ENSA: variants seen among roughly 807,000 people sequenced by gnomAD.
ENSA encodes the protein endosulfine alpha.
A neutral mutation model predicts 16.8 loss-of-function variants in ENSA; 7 were observed. That is an observed-to-expected ratio of 0.42 (90% CI 0.24 to 0.78). The LOEUF (loss-of-function observed/expected upper bound fraction) is 0.78, where lower values mean the gene tolerates loss of function less well. Among genes scored for constraint, ENSA ranks in the 30% least tolerant of loss-of-function variants. ENSA has a pLI of 0.29. For missense variants in ENSA, 87 were observed against 142.3 expected (o/e 0.61, Z 1.98); for synonymous variants, 58 against 53.4 (o/e 1.09, Z -0.37).
Position 150,629,547 on chromosome 1 carries a change from A to G in ENSA, c.-77T>C. 1 of 1,549,448 alleles carries G rather than the reference A, an allele frequency of 6.5e-7. No homozygotes were observed. The highest frequency in any genetic ancestry group is 8.8e-7 in the Non-Finnish European group (1 of 1,140,614). On this transcript the variant is annotated 5_prime_UTR_variant, in exon 1 of 4. Transcript: ENST00000369014. ...GGGAAGGGGGAGGGGAAACGGGGAC[A>G]ACCTGCGCTGCTGCTTCGGCTCCTG...
chr1:150,627,263 T>C (rs1649398049), intron 2 of ENSA: 1 of 1,533,868 alleles, frequency 6.5e-7, no homozygotes, highest in Non-Finnish European at 8.7e-7. Context: ...AGGCCTTAAT[T>C]TCCTACATGG....
intron 3 of ENSA, 31 bp from the exon 4 acceptor site, chr1:150,622,890 A>C (rs777786038): frequency 1.4e-4 from 214 of 1,546,520 alleles, no homozygotes; most frequent in Non-Finnish European, 1.8e-4. Context: ...AAAAAAAAAA[A>C]AACAACACTG....
intron 1 of ENSA, chr1:150,629,176 C>T: frequency 6.2e-7 from 1 of 1,613,132 alleles, no homozygotes; most frequent in South Asian, 1.1e-5. Flanking sequence ...GCACAGCGTC[C>T]AAGGTTTGAG....
intron 3 of ENSA, chr1:150,624,239 G>A (rs2101737205): frequency 6.1e-6 from 6 of 983,032 alleles, no homozygotes; most frequent in Non-Finnish European, 6.0e-6. Context: ...GAGTTCTGGG[G>A]ATGCAGAGAT....
At chr1:150,627,356 T>C (rs754829427) in intron 2 of ENSA, 111 bp downstream of exon 2, 4 of 1,610,734 alleles carry the variant, frequency 2.5e-6, no homozygotes, top group Non-Finnish European at 3.4e-6. Context: ...CGCCTCTACT[T>C]CTGTTCAACA....
At chr1:150,623,263 A>G in intron 3 of ENSA, 1 of 1,017,324 alleles carries the variant, frequency 9.8e-7, no homozygotes, top group African/African-American at 1.7e-5. Flanking sequence ...GGAGGCCAGA[A>G]CCAGACCACA....
chr1:150,622,804 A>AG lies in ENSA; in HGVS notation c.*39dup, dbSNP rs1478994577. 2 of 1,443,540 alleles carry AG rather than the reference A, an allele frequency of 1.4e-6. No individual in the cohort carries two copies. Among genetic ancestry groups the AG allele is most frequent in the South Asian group, 1.2e-5 (1 of 83,144 alleles). 89.4% of individuals were successfully genotyped at this position (1,443,540 alleles called of 1,614,324 possible). On this transcript the variant is annotated 3_prime_UTR_variant, in exon 4 of 4. Coordinates refer to ENST00000369014, the MANE Select transcript of ENSA (RefSeq NM_004436.4). The stretch of plus-strand genomic sequence containing the variant: ...AGCACAGGACCCGGGTGGGGCAGGG[A>AG]GGGGAAGCGTCTCAGGATCTGGCAG...
chr1:150,624,779 C>T, intron 3 of ENSA: 1 of 985,442 alleles, frequency 1.0e-6, no homozygotes, highest in Non-Finnish European at 1.2e-6. Context: ...TGGAGTTTTT[C>T]TGCTGGCAGT....
rs757658447 is a variant in ENSA, at chr1:150,622,811, G to A, written c.*33C>T. The A allele has an allele frequency of 8.1e-5, 126 of 1,561,498 alleles. No individual in the cohort carries two copies. The highest frequency in any genetic ancestry group is 1.0e-4 in the Non-Finnish European group (116 of 1,153,096). ...GACCCGGGTGGGGCAGGGAGGGGAA[G>A]CGTCTCAGGATCTGGCAGAGCCCCG... On this transcript the variant is annotated 3_prime_UTR_variant, in exon 4 of 4. Transcript: ENST00000369014.
chr1:150,628,482 C>T (rs1359339898), intron 1 of ENSA, among the ~76,000 whole-genome samples: 1 of 151,894 alleles, frequency 6.6e-6, no homozygotes, highest in Non-Finnish European at 1.5e-5. Flanking sequence ...GGGACTCTCA[C>T]TACTGTAGTC....
intron 3 of ENSA, chr1:150,623,605 G>A (rs1649103528): frequency 1.1e-5 from 11 of 984,382 alleles, no homozygotes; most frequent in Non-Finnish European, 1.3e-5. Context: ...GAGAAGATCG[G>A]AGATGAAGAA....
chr1:150,625,721 G>T lies in ENSA; in HGVS notation c.271C>A (p.Leu91Met), dbSNP rs750303030. Residue 91 changes from leucine to methionine, a missense_variant, in exon 3 of 4, where the codon CTG (leucine) becomes ATG (methionine). By Grantham distance (15) the Leu-to-Met change is conservative. Coordinates refer to ENST00000369014, the MANE Select transcript of ENSA (RefSeq NM_004436.4). Reference protein sequence around the residue: ...QLPSAGPDKNLVTGDHIPTPQ... With the variant: ...QLPSAGPDKNMVTGDHIPTPQ... ...GTGGGGATGTGATCACCAGTCACCA[G>T]GTTCTTGTCTGGTCCTGCACTTGGC... The T allele has an allele frequency of 3.7e-6, 6 of 1,613,056 alleles. No individual in the cohort carries two copies. Among genetic ancestry groups the T allele is most frequent in the Non-Finnish European group, 5.1e-6 (6 of 1,179,640 alleles).
chr1:150,629,332 G>C (rs1207888934), intron 1 of ENSA, 82 bp downstream of exon 1: 2 of 1,560,390 alleles, frequency 1.3e-6, no homozygotes, highest in South Asian at 2.4e-5. Flanking sequence ...AGACCATGGC[G>C]ACCAATCCGC....
intron 1 of ENSA, 137 bp from the exon 2 acceptor site, chr1:150,627,729 G>T: frequency 1.1e-6 from 1 of 947,028 alleles, no homozygotes; most frequent in Non-Finnish European, 1.6e-6. Flanking sequence ...TGCTGTTAAA[G>T]CTAGACCTTT....
intron 3 of ENSA, chr1:150,623,216 A>C (rs1198218132): frequency 9.3e-7 from 1 of 1,078,590 alleles, no homozygotes; most frequent in Admixed American, 5.1e-5. Flanking sequence ...CTACTTGCAA[A>C]GACTGAGGTA....
intron 1 of ENSA, among the ~76,000 whole-genome samples, chr1:150,628,235 G>A (rs1359693289): frequency 6.6e-6 from 1 of 152,110 alleles, no homozygotes; most frequent in African/African-American, 2.4e-5. Context: ...CAAGGTCTAA[G>A]CCACCTGTTA....
At chr1:150,629,172 C>A in intron 1 of ENSA, 2 of 1,613,332 alleles carry the variant, frequency 1.2e-6, no homozygotes, top group Admixed American at 3.3e-5. Flanking sequence ...TATAGCACAG[C>A]GTCCAAGGTT....
At chr1:150,626,266 A>T (rs1056587752) in intron 2 of ENSA, among the ~76,000 whole-genome samples, 3 of 152,234 alleles carry the variant, frequency 2.0e-5, no homozygotes, top group African/African-American at 7.2e-5. Flanking sequence ...CCTCAAAATG[A>T]TTATTCTCCC....
In ENSA at chr1:150,626,970, C is replaced by A. The variant is rs113646349; in HGVS notation, c.183+497G>T. 4.2e-4 allele frequency: 394 copies of A among 932,182 alleles called. 2 individuals carry two copies. The African/African-American group carries it at 6.5e-3, about 15-fold the overall frequency. 57.7% of individuals were successfully genotyped at this position (932,182 alleles called of 1,614,324 possible). A position where few individuals can be genotyped will look rare whatever the true frequency, so the allele number is the denominator to read the frequency against. On this transcript the variant is annotated intron_variant, in intron 2 of 3. Coordinates refer to ENST00000369014, the MANE Select transcript of ENSA (RefSeq NM_004436.4). ...CTCTCTCTTGGTAAGGAGGACCACT[C>A]TGAACAAGAAAAATACATTTGCTGC...
Sources: gnomAD v4.1 joint callset for allele counts (sites outside exome capture counted in the v4.1 genomes callset) on GRCh38, gnomAD v4.1.1 for gene constraint, MANE v1.5 for transcripts, NCBI Gene and HGNC (gene_info 2026-07-23, HGNC 2026-07-21) for gene names.